The following CRIP2 variants were observed in gnomAD, a reference collection of about 807,000 sequenced individuals.
The protein encoded by CRIP2 is cysteine rich protein 2, also known as cysteine-rich protein 2.
Under a neutral mutation model 31.3 loss-of-function variants are expected in CRIP2, and 31 were observed. The ratio of observed to expected loss-of-function variants is 0.99; its 90% CI spans 0.74 to 1.34. CRIP2 has a LOEUF of 1.34. Among genes scored for constraint, CRIP2 ranks in the 40% most tolerant of loss-of-function variants. CRIP2 has a pLI of 0.00. For synonymous variants in CRIP2, 177 were observed against 127.2 expected, an observed-to-expected ratio of 1.39 and a Z score of -2.63; for missense variants, 389 against 301.6, an observed-to-expected ratio of 1.29 and a Z score of -2.15.
chr14:105,478,199 C>T lies in CRIP2; in HGVS notation c.44-67C>T, dbSNP rs1304997633. ...CGGAGCGCGTGGGGGTGGTGGCTGCCAGGTGGGGGCGGAGGGGGTGCGGGG... is the reference window on the plus strand; with the variant it reads ...CGGAGCGCGTGGGGGTGGTGGCTGCTAGGTGGGGGCGGAGGGGGTGCGGGG... On this transcript the variant is annotated intron_variant, in intron 1 of 7. Transcript: ENST00000329146. This position sits in a 1 kb window ranked among gnomAD's most constrained non-coding sequence, Gnocchi z 4.9. The T allele has an allele frequency of 1.6e-6, 2 of 1,290,192 alleles. No individual in the cohort carries two copies. Among genetic ancestry groups the T allele is most frequent in the Non-Finnish European group, 2.1e-6 (2 of 974,432 alleles). The allele number at this position is 1,290,192 out of a possible 1,614,324, so 79.9% of individuals were successfully genotyped here. A position where few individuals can be genotyped will look rare whatever the true frequency, so the allele number is the denominator to read the frequency against.
chr14:105,479,243 G>T (rs2084031921), intron 6 of CRIP2, 24 bp downstream of exon 6: 2 of 1,597,810 alleles, frequency 1.3e-6, no homozygotes, highest in African/African-American at 1.3e-5. Context: ...AACGGGGCTT[G>T]GGGGCCGGGC....
intron 1 of CRIP2, chr14:105,476,669 C>T (rs587671353): frequency 8.1e-6 from 8 of 985,284 alleles, no homozygotes; most frequent in Admixed American, 6.1e-5. Context: ...CTGCCACGGC[C>T]GATAGCCACC....
In CRIP2 at chr14:105,474,999, G is replaced by T. The variant is rs2083901634; in HGVS notation, c.43+94G>T. On this transcript the variant is annotated intron_variant, in intron 1 of 7. Transcript: ENST00000329146. The surrounding 1 kb of genome is among the most constrained non-coding windows in gnomAD (Gnocchi z 5.1). ...AGAGCCGCGGCGTAACTCGGGGTGC[G>T]CCCGGCCCCGGCCCCGGACCGAGGA... is the stretch of plus-strand genomic sequence containing the variant. 7.7e-7 allele frequency: 1 copy of T among 1,293,764 alleles called. No individual in the cohort carries two copies. Among genetic ancestry groups the T allele is most frequent in the Non-Finnish European group, 9.9e-7 (1 of 1,007,424 alleles). 80.1% of individuals were successfully genotyped at this position (1,293,764 alleles called of 1,614,324 possible). A position where few individuals can be genotyped will look rare whatever the true frequency, so the allele number is the denominator to read the frequency against.
chr14:105,477,333 G>A, intron 1 of CRIP2: 2 of 985,524 alleles, frequency 2.0e-6, no homozygotes, highest in Non-Finnish European at 2.4e-6. Flanking sequence ...CATGCCAGTG[G>A]CAGCCAGGGG....
chr14:105,475,895 C>T (rs1416653292), intron 1 of CRIP2: 2 of 985,556 alleles, frequency 2.0e-6, no homozygotes, highest in Non-Finnish European at 2.4e-6. Flanking sequence ...CAACAGGGCG[C>T]CTGCCCTGGT....
At chr14:105,476,560 A>G (rs1161993626) in intron 1 of CRIP2, 8 of 985,472 alleles carry the variant, frequency 8.1e-6, no homozygotes, top group East Asian at 2.3e-4. Flanking sequence ...ATGTGTGGCC[A>G]TTGACCCACC....
Position 105,478,920 on chromosome 14 carries a change from G to A in CRIP2, c.337+49G>A. On this transcript the variant is annotated intron_variant, in intron 4 of 7. Coordinates refer to ENST00000329146, the MANE Select transcript of CRIP2 (RefSeq NM_001312.4). The surrounding 1 kb of genome is among the most constrained non-coding windows in gnomAD (Gnocchi z 4.9). ...TGGGGGTTGTGGGCACGCGCGGGCT[G>A]GGGCTGGGGGTTGTGGGCACCCCCG... 2 of 1,512,464 alleles carry A rather than the reference G, an allele frequency of 1.3e-6. No homozygotes were observed. Among genetic ancestry groups the A allele is most frequent in the Non-Finnish European group, 1.8e-6 (2 of 1,136,192 alleles). 93.7% of individuals were successfully genotyped at this position (1,512,464 alleles called of 1,614,324 possible).
chr14:105,478,181 CGTGGGGGTGGTGGCTGCCAG>C lies in CRIP2; in HGVS notation c.44-77_44-58del. On this transcript the variant is annotated intron_variant, in intron 1 of 7. Coordinates refer to ENST00000329146, the MANE Select transcript of CRIP2 (RefSeq NM_001312.4). This position sits in a 1 kb window ranked among gnomAD's most constrained non-coding sequence, Gnocchi z 4.9. Reference sequence around the variant, plus strand: ...CCTGAAAGTGGGGACCCCCGGAGCGCGTGGGGGTGGTGGCTGCCAGGTGGGGGCGGAGGGGGTGCGGGGCG... The same window carrying C: ...CCTGAAAGTGGGGACCCCCGGAGCGCGTGGGGGCGGAGGGGGTGCGGGGCG... 9.2e-7 allele frequency: 1 copy of C among 1,084,864 alleles called. No individual in the cohort carries two copies. Among genetic ancestry groups the C allele is most frequent in the Non-Finnish European group, 1.3e-6 (1 of 792,038 alleles). The allele number at this position is 1,084,864 out of a possible 1,614,324, so 67.2% of individuals were successfully genotyped here. A position where few individuals can be genotyped will look rare whatever the true frequency, so the allele number is the denominator to read the frequency against.
intron 1 of CRIP2, chr14:105,475,716 C>T (rs1458715845): frequency 4.6e-6 from 3 of 653,760 alleles, no homozygotes; most frequent in African/African-American, 2.0e-5. Flanking sequence ...CGCGCTCCCC[C>T]CGTCTGGGCT....
upstream of CRIP2, chr14:105,474,705 C>T: frequency 8.3e-6 from 8 of 966,004 alleles, no homozygotes; most frequent in Non-Finnish European, 9.8e-6. The surrounding 1 kb of genome is among the most constrained non-coding windows in gnomAD (Gnocchi z 5.1). Flanking sequence ...CCGCGGCGCC[C>T]CCAGGCGGCC....
rs951843991 is a variant in CRIP2, at chr14:105,477,408, C to G, written c.44-858C>G. ...ATCCACAGACAGATGAGGGTCCCGC[C>G]TGGAGGACCCACGGGGACGGGGCCT... On this transcript the variant is annotated intron_variant, in intron 1 of 7. Transcript: ENST00000329146. 12 of 985,114 alleles carry G rather than the reference C, an allele frequency of 1.2e-5. No homozygotes were observed. In the Middle Eastern group the frequency reaches 1.6e-3, roughly 127 times the overall value. The allele number at this position is 985,114 out of a possible 1,614,324, so 61.0% of individuals were successfully genotyped here. A position where few individuals can be genotyped will look rare whatever the true frequency, so the allele number is the denominator to read the frequency against.
At chr14:105,479,378 A>G (rs2084036944) in intron 6 of CRIP2, 58 bp from the exon 7 acceptor site, 9 of 1,607,696 alleles carry the variant, frequency 5.6e-6, no homozygotes, top group South Asian at 1.1e-5. Flanking sequence ...GGAAGCCTCC[A>G]GGTGATGGGT....
chr14:105,472,955 C>A (rs2083868026), upstream of CRIP2: 2 of 552,500 alleles, frequency 3.6e-6, no homozygotes, highest in African/African-American at 3.8e-5. Flanking sequence ...ATCCACTCTT[C>A]TGGCAGGGCT....
rs587754581 is a variant in CRIP2, at chr14:105,479,024, G to A, written c.383G>A (p.Arg128His). The change falls in exon 5 of 8, where the codon CGC (arginine) becomes CAC (histidine). Residue 128 changes from arginine to histidine, a missense_variant. Physicochemically the swap from Arg to His is conservative, Grantham distance 29. Coordinates refer to ENST00000329146, the MANE Select transcript of CRIP2 (RefSeq NM_001312.4). ...TFTGEPNTCP[R>H]CSKKVYFAEK... Reference sequence around the variant, plus strand: ...ACCGGGGAGCCCAACACGTGCCCGCGCTGCAGCAAGAAGGTGTACTTCGGT... The same window carrying A: ...ACCGGGGAGCCCAACACGTGCCCGCACTGCAGCAAGAAGGTGTACTTCGGT... 4.4e-5 allele frequency: 69 copies of A among 1,582,908 alleles called. No individual in the cohort carries two copies. The African/African-American group carries it at 8.1e-4, about 19-fold the overall frequency.
Position 105,474,935 on chromosome 14 carries a change from G to T in CRIP2, c.43+30G>T. The stretch of plus-strand genomic sequence containing the variant: ...GTGCGTGCCCGCTCCCGGCCCGCTC[G>T]GTGCATCCCGCCGCCCTTCGCGGCC... On this transcript the variant is annotated intron_variant, in intron 1 of 7. Transcript: ENST00000329146. The surrounding 1 kb of genome is among the most constrained non-coding windows in gnomAD (Gnocchi z 5.1). 6.7e-7 allele frequency: 1 copy of T among 1,489,578 alleles called. No homozygotes were observed. The highest frequency in any genetic ancestry group is 8.9e-7 in the Non-Finnish European group (1 of 1,117,960). The allele number at this position is 1,489,578 out of a possible 1,614,324, so 92.3% of individuals were successfully genotyped here. A position where few individuals can be genotyped will look rare whatever the true frequency, so the allele number is the denominator to read the frequency against.
intron 1 of CRIP2, chr14:105,476,034 C>G (rs2083925628): frequency 1.0e-6 from 1 of 985,466 alleles, no homozygotes; most frequent in South Asian, 4.7e-5. Flanking sequence ...CGGATTTGGC[C>G]TGGAGTGCTT....
In CRIP2 at chr14:105,476,679, C is replaced by T. The variant is rs587727203; in HGVS notation, c.44-1587C>T. ...TGCAGCTGCCACGGCCGATAGCCAC[C>T]GAGACTTCCTTGCTGCTGCTGGGAC... On this transcript the variant is annotated intron_variant, in intron 1 of 7. Coordinates refer to ENST00000329146, the MANE Select transcript of CRIP2 (RefSeq NM_001312.4). 1.4e-4 allele frequency: 134 copies of T among 985,538 alleles called. 1 individual carries two copies. In the South Asian group the frequency reaches 5.2e-3, roughly 38 times the overall value. 61.0% of individuals were successfully genotyped at this position (985,538 alleles called of 1,614,324 possible).
upstream of CRIP2, chr14:105,473,313 G>T: frequency 6.5e-7 from 1 of 1,529,894 alleles, no homozygotes; most frequent in Non-Finnish European, 8.7e-7. Flanking sequence ...AGCTGGTCAG[G>T]CTGGTCAGTC....
chr14:105,478,322 C>T lies in CRIP2; in HGVS notation c.100C>T (p.Arg34Cys). The change falls in exon 2 of 8, where the codon CGC (arginine) becomes TGC (cysteine). Residue 34 changes from arginine (R) to cysteine (C), a missense_variant. Coordinates refer to ENST00000329146, the MANE Select transcript of CRIP2 (RefSeq NM_001312.4). This position sits in a 1 kb window ranked among gnomAD's most constrained non-coding sequence, Gnocchi z 4.9. ...GCACAAGTTCTGCCTCAAGTGCGAG[C>T]GCTGCAGCAAGACGCTGACGCCCGG... is the stretch of plus-strand genomic sequence containing the variant. ...DWHKFCLKCERCSKTLTPGGH... is the reference protein window; with the variant it reads ...DWHKFCLKCECCSKTLTPGGH... 6.4e-7 allele frequency: 1 copy of T among 1,570,176 alleles called. No individual in the cohort carries two copies. Among genetic ancestry groups the T allele is most frequent in the Non-Finnish European group, 8.6e-7 (1 of 1,160,936 alleles).
Sources: allele counts gnomAD v4.1 joint callset, GRCh38; gene constraint gnomAD v4.1.1; non-coding constraint Gnocchi (gnomAD v3.1); transcripts MANE v1.5; gene names NCBI Gene and HGNC (gene_info 2026-07-23, HGNC 2026-07-21).